The following SNX29 variants were observed in gnomAD, a reference collection of about 807,000 sequenced individuals.
SNX29 encodes the protein sorting nexin 29.
Under a neutral mutation model 102.1 loss-of-function variants are expected in SNX29, and 78 were observed. That is an observed-to-expected ratio of 0.76 (90% CI 0.64 to 0.92). The LOEUF is 0.92. Ranked by LOEUF, SNX29 falls within the 40% of genes least tolerant of loss-of-function variation. SNX29 has a pLI of 0.00. For synonymous variants in SNX29, 580 were observed against 414.5 expected, an observed-to-expected ratio of 1.40 and a Z score of -4.85; for missense variants, 1,280 against 1,061.7, an observed-to-expected ratio of 1.21 and a Z score of -2.86.
At chr16:12,223,530 C>T (rs988482675) in intron 14 of SNX29, among the ~76,000 whole-genome samples, 3 of 152,122 alleles carry the variant, frequency 2.0e-5, no homozygotes, top group Non-Finnish European at 4.4e-5. Flanking sequence ...GGCGTGGGGG[C>T]ATGTGCGCCT....
chr16:11,991,091 G>A (rs1184542921), intron 1 of SNX29, among the ~76,000 whole-genome samples: 1 of 152,214 alleles, frequency 6.6e-6, no homozygotes, highest in Non-Finnish European at 1.5e-5. Flanking sequence ...AAAGGTGTAG[G>A]TTCAGTGAAA....
chr16:12,499,542 A>G (rs1460214881), intron 19 of SNX29, among the ~76,000 whole-genome samples: 7 of 152,262 alleles, frequency 4.6e-5, no homozygotes, highest in African/African-American at 1.4e-4. Flanking sequence ...CGCAGCTGTC[A>G]TTTGCCTGAT....
intron 16 of SNX29, among the ~76,000 whole-genome samples, 199 bp from the exon 17 acceptor site, chr16:12,398,247 G>A (rs1044932557): frequency 2.0e-5 from 3 of 152,146 alleles, no homozygotes; most frequent in Non-Finnish European, 4.4e-5. Context: ...CCTCATGGTG[G>A]CATATTTTTA....
intron 18 of SNX29, among the ~76,000 whole-genome samples, chr16:12,427,212 T>A (rs928686689): frequency 3.3e-5 from 5 of 152,156 alleles, no homozygotes; most frequent in African/African-American, 1.2e-4. Context: ...GCCAACCCTC[T>A]GTCACCATGC....
intron 8 of SNX29, among the ~76,000 whole-genome samples, chr16:12,058,797 GTTTTTTTTTTTTT>G (rs34150245): frequency 8.8e-6 from 1 of 113,744 alleles, no homozygotes; most frequent in Non-Finnish European, 1.8e-5. Flanking sequence ...CCCGGCCTGG[GTTTTTTTTTTTTT>G]TTTTTTTTTT....
chr16:12,054,866 C>G (rs1275063280), intron 8 of SNX29, among the ~76,000 whole-genome samples: 1 of 152,130 alleles, frequency 6.6e-6, no homozygotes, highest in Non-Finnish European at 1.5e-5. Context: ...AAATGTTTCC[C>G]CTTTTGTTGG....
chr16:12,553,763 CCTT>C (rs2078144403), intron 20 of SNX29, among the ~76,000 whole-genome samples: 1 of 150,298 alleles, frequency 6.7e-6, no homozygotes, highest in African/African-American at 2.4e-5. Context: ...TAGTTTTTTT[CCTT>C]AAGTACAGAC....
intron 20 of SNX29, among the ~76,000 whole-genome samples, chr16:12,558,537 C>G (rs182990985): frequency 1.3e-5 from 2 of 152,352 alleles, no homozygotes; most frequent in East Asian, 1.9e-4. Flanking sequence ...TGCACACACC[C>G]CACAGTGCCA....
intron 20 of SNX29, chr16:12,526,731 G>A (rs2076793877): frequency 2.2e-6 from 1 of 463,358 alleles, no homozygotes; most frequent in Non-Finnish European, 4.1e-6. Flanking sequence ...TACTCCTGAT[G>A]CTGAGAGTGT....
In SNX29 at chr16:12,193,489, G is replaced by C. The variant is rs571665104; in HGVS notation, c.1596-6112G>C. 2.5e-5 allele frequency among the ~76,000 whole-genome samples: 3 copies of C among 121,008 alleles called. No individual in the cohort carries two copies. The South Asian group carries it at 8.7e-4, about 35-fold the overall frequency. The allele number at this position is 121,008 out of a possible 152,430, so 79.4% of individuals were successfully genotyped here. A position where few individuals can be genotyped will look rare whatever the true frequency, so the allele number is the denominator to read the frequency against. On this transcript the variant is annotated intron_variant, in intron 13 of 20. Coordinates refer to ENST00000566228, the MANE Select transcript of SNX29 (RefSeq NM_032167.5). ...CATCTTCAAAAAAAAAAAAGAAAAAGTCTTTCACATAGCAAATCCAGTTAA... is the reference window on the plus strand; with the variant it reads ...CATCTTCAAAAAAAAAAAAGAAAAACTCTTTCACATAGCAAATCCAGTTAA...
At chr16:12,220,531 A>G (rs1390704253) in intron 14 of SNX29, among the ~76,000 whole-genome samples, 2 of 152,078 alleles carry the variant, frequency 1.3e-5, no homozygotes, top group African/African-American at 2.4e-5. Context: ...TGAAAAATGG[A>G]AAGAGTGAAA....
chr16:12,205,326 T>C (rs1363749680), intron 14 of SNX29, among the ~76,000 whole-genome samples: 1 of 152,166 alleles, frequency 6.6e-6, no homozygotes, highest in Non-Finnish European at 1.5e-5. Flanking sequence ...CAAAGCTGGC[T>C]CTGTGTGTGT....
chr16:12,387,196 C>T (rs149811041), intron 16 of SNX29, among the ~76,000 whole-genome samples: 13 of 152,182 alleles, frequency 8.5e-5, no homozygotes, highest in East Asian at 5.8e-4. Flanking sequence ...ACCAAGTTAG[C>T]GGTTCCATTC....
chr16:12,505,759 T>A (rs903279619), intron 19 of SNX29, among the ~76,000 whole-genome samples: 1 of 8,488 alleles, frequency 1.2e-4, no homozygotes, highest in African/African-American at 4.8e-4. Flanking sequence ...CCTTGTCAAT[T>A]CTGCAAAAAA....
At chr16:12,010,713 C>T (rs149968918) in intron 3 of SNX29, among the ~76,000 whole-genome samples, 155 of 152,012 alleles carry the variant, frequency 1.0e-3, no homozygotes, top group African/African-American at 3.6e-3. Context: ...ATTTCTTCTC[C>T]TTTCAAAGCA....
chr16:12,385,090 A>G (rs1267561683), intron 16 of SNX29, among the ~76,000 whole-genome samples: 1 of 152,174 alleles, frequency 6.6e-6, no homozygotes, highest in Non-Finnish European at 1.5e-5. Context: ...GAATCGCTTG[A>G]ACCCGGGAGG....
chr16:11,982,494 A>C (rs1233979676), intron 1 of SNX29, among the ~76,000 whole-genome samples: 1 of 140,214 alleles, frequency 7.1e-6, no homozygotes, highest in East Asian at 2.1e-4. Context: ...CAGTGATGCG[A>C]TCTCGGCTCA....
rs574213847 is a variant in SNX29, at chr16:12,118,069, C to T, written c.1403-8564C>T. 3.9e-5 allele frequency among the ~76,000 whole-genome samples: 6 copies of T among 152,180 alleles called. No homozygotes were observed. The East Asian group carries it at 1.2e-3, about 30-fold the overall frequency. On this transcript the variant is annotated intron_variant, in intron 11 of 20. Coordinates refer to ENST00000566228, the MANE Select transcript of SNX29 (RefSeq NM_032167.5). ...CCGAGATCCCACCACTGTACTTCAG[C>T]CTGGGCGACAGAGCGAGACTCTGTC...
intron 13 of SNX29, among the ~76,000 whole-genome samples, chr16:12,163,919 G>A (rs2055901073): frequency 6.6e-6 from 1 of 152,148 alleles, no homozygotes; most frequent in African/African-American, 2.4e-5. Context: ...GAGTGGGGTG[G>A]GGAGAACTGA....
Sources: allele counts gnomAD v4.1 joint callset (sites outside exome capture counted in the v4.1 genomes callset), GRCh38; gene constraint gnomAD v4.1.1; transcripts MANE v1.5; gene names NCBI Gene and HGNC (gene_info 2026-07-23, HGNC 2026-07-21).